The following LPCAT4 variants were observed in gnomAD, a reference collection of about 807,000 sequenced individuals.
LPCAT4 encodes the protein lysophosphatidylcholine acyltransferase 4, also known as lysophospholipid acyltransferase LPCAT4.
In LPCAT4, 30 loss-of-function variants were observed where a neutral mutation model predicts 66.5. That is an observed-to-expected ratio of 0.45 (90% confidence interval 0.34 to 0.61). LPCAT4 has a LOEUF of 0.61. Among genes scored for constraint, LPCAT4 ranks in the 20% least tolerant of loss-of-function variants. The pLI is 0.01. For synonymous variants in LPCAT4, 253 were observed against 262.1 expected, an observed-to-expected ratio of 0.97 and a Z score of 0.34; for missense variants, 557 against 656.7, an observed-to-expected ratio of 0.85 and a Z score of 1.66.
chr15:34,363,639 T>A lies in LPCAT4; in HGVS notation c.711+22A>T. ...GTGGATTTGTGCTCCCCCTTTCCACTCTTTCTTGGACTAAGACTCACCAGA... is the reference window on the plus strand; with the variant it reads ...GTGGATTTGTGCTCCCCCTTTCCACACTTTCTTGGACTAAGACTCACCAGA... On this transcript the variant is annotated intron_variant, in intron 6 of 13. Coordinates refer to ENST00000314891, the MANE Select transcript of LPCAT4 (RefSeq NM_153613.3). This position sits in a 1 kb window ranked among gnomAD's most constrained non-coding sequence, Gnocchi z 4.3. 2 of 1,613,944 alleles carry A rather than the reference T, an allele frequency of 1.2e-6. No individual in the cohort carries two copies. Among genetic ancestry groups the A allele is most frequent in the South Asian group, 1.1e-5 (1 of 91,074 alleles).
Position 34,363,641 on chromosome 15 carries a change from T to G in LPCAT4, c.711+20A>C. 2 of 1,614,070 alleles carry G rather than the reference T, an allele frequency of 1.2e-6. No homozygotes were observed. Among genetic ancestry groups the G allele is most frequent in the Non-Finnish European group, 1.7e-6 (2 of 1,179,932 alleles). ...GGATTTGTGCTCCCCCTTTCCACTC[T>G]TTCTTGGACTAAGACTCACCAGACT... is the stretch of plus-strand genomic sequence containing the variant. On this transcript the variant is annotated intron_variant, in intron 6 of 13. Transcript: ENST00000314891. The surrounding 1 kb of genome is among the most constrained non-coding windows in gnomAD (Gnocchi z 4.3).
rs1227620804 is a variant in LPCAT4 at position 34,358,831 on chromosome 15, A to G, written c.*296T>C. 6.3e-6 allele frequency: 1 copy of G among 158,146 alleles called. No homozygotes were observed. The highest frequency in any genetic ancestry group is 1.4e-5 in the Non-Finnish European group (1 of 71,958). The allele number at this position is 158,146 out of a possible 1,614,324, so 9.8% of individuals were successfully genotyped here. ...TATGGCCAAGAGGACGAACCTTGGA[A>G]ACATTTGTGATTTTCCAACGGGCGT... On this transcript the variant is annotated 3_prime_UTR_variant, in exon 14 of 14. Transcript: ENST00000314891.
chr15:34,363,708 C>A lies in LPCAT4; in HGVS notation c.664G>T (p.Ala222Ser), dbSNP rs764269629. The change falls in exon 6 of 14, where the codon GCA becomes TCA. Residue 222 changes from alanine to serine, a missense_variant. Coordinates refer to ENST00000314891, the MANE Select transcript of LPCAT4 (RefSeq NM_153613.3). The surrounding 1 kb of genome is among the most constrained non-coding windows in gnomAD (Gnocchi z 4.3). Reference protein sequence around the residue: ...LLKFKPGAFIAGVPVQPVLIR... With the variant: ...LLKFKPGAFISGVPVQPVLIR... ...AGGACAGGCTGCACAGGCACCCCTG[C>A]GATGAAGGCTCCTAAATCCCATTTC... The A allele has an allele frequency of 5.0e-6, 8 of 1,614,104 alleles. No homozygotes were observed. Among genetic ancestry groups the A allele is most frequent in the East Asian group, 2.2e-5 (1 of 44,874 alleles).
intron 10 of LPCAT4, 44 bp downstream of exon 10, chr15:34,362,152 C>CTCTT (rs2140167004): frequency 6.2e-7 from 1 of 1,610,638 alleles, no homozygotes. Context: ...CTCTCTCTCT[C>CTCTT]TCTCTGTGAC....
At chr15:34,364,410 TC>T (rs373257652) in intron 3 of LPCAT4, 104 bp from the exon 4 acceptor site, 3 of 588,754 alleles carry the variant, frequency 5.1e-6, no homozygotes, top group South Asian at 2.0e-5. Context: ...TTCTGTTATC[TC>T]TTTTTTTTTT....
chr15:34,363,691 C>G lies in LPCAT4; in HGVS notation c.681G>C (p.Gln227His). 3.1e-6 allele frequency: 5 copies of G among 1,614,180 alleles called. No homozygotes were observed. The highest frequency in any genetic ancestry group is 4.2e-6 in the Non-Finnish European group (5 of 1,180,042). Residue 227 changes from glutamine (Q) to histidine (H), a missense_variant, in exon 6 of 14, where the codon CAG becomes CAC. Physicochemically the swap from Gln to His is conservative, Grantham distance 24. Transcript: ENST00000314891. This position sits in a 1 kb window ranked among gnomAD's most constrained non-coding sequence, Gnocchi z 4.3. Reference protein sequence around the residue: ...PGAFIAGVPVQPVLIRYPNSL... With the variant: ...PGAFIAGVPVHPVLIRYPNSL... Reference sequence around the variant, plus strand: ...TGTTGGGGTAGCGGATGAGGACAGGCTGCACAGGCACCCCTGCGATGAAGG... The same window carrying G: ...TGTTGGGGTAGCGGATGAGGACAGGGTGCACAGGCACCCCTGCGATGAAGG...
rs1010826694 is a variant in LPCAT4 at position 34,366,589 on chromosome 15, T to C, written c.114+398A>G. On this transcript the variant is annotated intron_variant, in intron 1 of 13. Transcript: ENST00000314891. ...CCAGAAACGTCTTCCCTCTAAGTCA[T>C]GCCTCGGAGGAATACTCGGCACGCC... Among the ~76,000 whole-genome samples, 3 of 151,940 alleles carry C rather than the reference T, an allele frequency of 2.0e-5. No homozygotes were observed. The South Asian group carries it at 6.2e-4, about 32-fold the overall frequency.
At chr15:34,361,114 TG>T in intron 11 of LPCAT4, 1 of 1,095,204 alleles carries the variant, frequency 9.1e-7, no homozygotes, top group Non-Finnish European at 1.2e-6. Flanking sequence ...AAAGGTCTTA[TG>T]ATTCCCCACC....
At chr15:34,361,269 G>A in intron 11 of LPCAT4, 131 bp downstream of exon 11, 2 of 1,503,258 alleles carry the variant, frequency 1.3e-6, no homozygotes, top group Non-Finnish European at 1.8e-6. Flanking sequence ...TCAGGGGATG[G>A]CCATCTAACA....
chr15:34,363,839 C>A lies in LPCAT4; in HGVS notation c.653-120G>T. On this transcript the variant is annotated intron_variant, in intron 5 of 13. Coordinates refer to ENST00000314891, the MANE Select transcript of LPCAT4 (RefSeq NM_153613.3). The surrounding 1 kb of genome is among the most constrained non-coding windows in gnomAD (Gnocchi z 4.3). The stretch of plus-strand genomic sequence containing the variant: ...AAATGAGATATGGTTTTGTTCCACT[C>A]ATTGATAATTTTCTCTCTGACTCCT... 7.2e-7 allele frequency: 1 copy of A among 1,379,328 alleles called. No homozygotes were observed. Among genetic ancestry groups the A allele is most frequent in the South Asian group, 1.2e-5 (1 of 83,418 alleles). 85.4% of individuals were successfully genotyped at this position (1,379,328 alleles called of 1,614,324 possible). A position where few individuals can be genotyped will look rare whatever the true frequency, so the allele number is the denominator to read the frequency against.
intron 1 of LPCAT4, among the ~76,000 whole-genome samples, chr15:34,366,346 C>T (rs1891075493): frequency 6.6e-6 from 1 of 152,192 alleles, no homozygotes; most frequent in Admixed American, 6.5e-5. Flanking sequence ...CCCCTGGAGC[C>T]TGCCTCCGGG....
intron 11 of LPCAT4, chr15:34,361,149 C>T: frequency 7.7e-7 from 1 of 1,302,804 alleles, no homozygotes; most frequent in South Asian, 1.8e-5. Flanking sequence ...AAAGTGGTTT[C>T]AGAAATTTAT....
chr15:34,365,739 G>A, intron 1 of LPCAT4, 38 bp from the exon 2 acceptor site: 1 of 1,608,240 alleles, frequency 6.2e-7, no homozygotes, highest in Non-Finnish European at 8.5e-7. Context: ...TTAGAGCTTG[G>A]ATATGCTCCC....
chr15:34,363,313 C>T lies in LPCAT4; in HGVS notation c.746+109G>A, dbSNP rs1307401876. On this transcript the variant is annotated intron_variant, in intron 7 of 13. Coordinates refer to ENST00000314891, the MANE Select transcript of LPCAT4 (RefSeq NM_153613.3). This position sits in a 1 kb window ranked among gnomAD's most constrained non-coding sequence, Gnocchi z 4.3. ...GTGTCTCCTCTAGAGTTCTCTCAGT[C>T]CTCAGATGAAGAAGGGCCATTCACC... 1.7e-6 allele frequency: 2 copies of T among 1,193,808 alleles called. No homozygotes were observed. Among genetic ancestry groups the T allele is most frequent in the Non-Finnish European group, 2.4e-6 (2 of 828,152 alleles). 74.0% of individuals were successfully genotyped at this position (1,193,808 alleles called of 1,614,324 possible).
intron 10 of LPCAT4, 147 bp downstream of exon 10, chr15:34,362,049 C>T (rs556709390): frequency 1.8e-6 from 2 of 1,109,372 alleles, no homozygotes; most frequent in Admixed American, 2.6e-5. Flanking sequence ...ATTTATTCCC[C>T]ACTTCCTTTT....
chr15:34,365,728 T>A (rs1891061325), intron 1 of LPCAT4, 27 bp from the exon 2 acceptor site: 1 of 1,611,766 alleles, frequency 6.2e-7, no homozygotes, highest in South Asian at 1.1e-5. Flanking sequence ...AGAATGCCAC[T>A]TTAGAGCTTG....
In LPCAT4 at chr15:34,364,606, T is replaced by TTTTTTTA. The variant is rs1555395815; in HGVS notation, c.479-301_479-300insTAAAAAA. Reference sequence around the variant, plus strand: ...GCCCGGCTAATTTTTTTTTTTTTTTTACGCCCGGCTACTTTTTTTGTATTT... The same window carrying TTTTTTTA: ...GCCCGGCTAATTTTTTTTTTTTTTTTTTTTTTAACGCCCGGCTACTTTTTTTGTATTT... On this transcript the variant is annotated intron_variant, in intron 3 of 13. Transcript: ENST00000314891. 5.7e-3 allele frequency: 1,419 copies of TTTTTTTA among 249,776 alleles called. 13 individuals carry two copies. Among genetic ancestry groups the TTTTTTTA allele is most frequent in the Non-Finnish European group, 7.2e-3 (945 of 130,750 alleles). The allele number at this position is 249,776 out of a possible 1,614,324, so 15.5% of individuals were successfully genotyped here.
intron 7 of LPCAT4, 40 bp from the exon 8 acceptor site, chr15:34,362,876 T>G (rs760224448): frequency 6.2e-7 from 1 of 1,603,528 alleles, no homozygotes; most frequent in East Asian, 2.2e-5. Context: ...AATCTCTAAC[T>G]ATGGGCTCCT....
intron 10 of LPCAT4, 80 bp downstream of exon 10, chr15:34,362,116 C>A: frequency 6.7e-7 from 1 of 1,500,408 alleles, no homozygotes; most frequent in Admixed American, 2.0e-5. Context: ...TTCCTTCTTC[C>A]TTCTCATTTC....
Sources: allele counts gnomAD v4.1 joint callset (sites outside exome capture counted in the v4.1 genomes callset), GRCh38; gene constraint gnomAD v4.1.1; non-coding constraint Gnocchi (gnomAD v3.1); transcripts MANE v1.5; gene names NCBI Gene and HGNC (gene_info 2026-07-23, HGNC 2026-07-21).